The following RNF6 variants were observed in gnomAD, a reference collection of about 807,000 sequenced individuals.
RNF6 encodes the protein ring finger protein 6.
Under a neutral mutation model 50.1 loss-of-function variants are expected in RNF6, and 21 were observed. That is an observed-to-expected ratio of 0.42 (90% CI 0.30 to 0.60). The LOEUF is 0.60. Among genes scored for constraint, RNF6 ranks in the 20% least tolerant of loss-of-function variants. The pLI, the probability that RNF6 is intolerant of heterozygous loss-of-function variation, is 0.20. For missense variants in RNF6, 698 were observed against 838.2 expected (o/e 0.83, Z 2.07); for synonymous variants, 255 against 291.8 (o/e 0.87, Z 1.29).
At chr13:26,170,012 T>C (rs1593163470) in intron 5 of RNF6, among the ~76,000 whole-genome samples, 1 of 152,212 alleles carries the variant, frequency 6.6e-6, no homozygotes, top group South Asian at 2.1e-4. Flanking sequence ...GGATTTTTCT[T>C]TTTTTGCAAA....
At chr13:26,220,675 T>C (rs1019035674) in intron 2 of RNF6, among the ~76,000 whole-genome samples, 4 of 152,142 alleles carry the variant, frequency 2.6e-5, no homozygotes, top group African/African-American at 9.7e-5. Context: ...AAGAGCTAAT[T>C]TGGGTGTTCT....
chr13:26,189,633 G>T (rs1265940478), intron 5 of RNF6, among the ~76,000 whole-genome samples: 9 of 152,212 alleles, frequency 5.9e-5, no homozygotes, highest in African/African-American at 2.2e-4. Context: ...GGTAGAAAGT[G>T]ATTTAGCTTC....
At chr13:26,181,409 G>A (rs1239249752) in intron 5 of RNF6, among the ~76,000 whole-genome samples, 1 of 152,296 alleles carries the variant, frequency 6.6e-6, no homozygotes, top group Non-Finnish European at 1.5e-5. Context: ...GCATTCTCCT[G>A]ACCAAATGCC....
chr13:26,175,145 A>G lies in RNF6; in HGVS notation n.768+40329T>C, dbSNP rs140711591. On this transcript the variant is annotated intron_variant and non_coding_transcript_variant, in intron 5 of 5. Transcript: ENST00000468480. ...ACCCAGGCTGGAGTGCAATGGCGTG[A>G]TCTCGGCTCACTGCAACCTCCACCT... 8.5e-3 allele frequency among the ~76,000 whole-genome samples: 1,290 copies of G among 152,146 alleles called. 7 individuals are homozygous for G. The highest frequency in any genetic ancestry group is 0.027 in the Middle Eastern group (8 of 294).
Position 26,215,285 on chromosome 13 carries a change from G to A in RNF6, c.597C>T (p.Ser199=), listed in dbSNP as rs1869749854. ...TACCATTGAAATTCACTGAGGTTTG[G>A]CTTCTTGTTCGCCTAGCCACAGGAC... ...STSPVARRTR[S]QTSVNFNGSS... is the part of the protein sequence containing the mutation. Residue 199 remains serine, a synonymous_variant, in exon 5 of 5, where the codon AGC becomes AGT. Transcript: ENST00000381588. 6.2e-7 allele frequency: 1 copy of A among 1,614,144 alleles called. No individual in the cohort carries two copies. The highest frequency in any genetic ancestry group is 1.1e-5 in the South Asian group (1 of 91,080).
At chr13:26,186,134 T>C (rs1873509993) in intron 5 of RNF6, among the ~76,000 whole-genome samples, 2 of 152,210 alleles carry the variant, frequency 1.3e-5, no homozygotes, top group African/African-American at 2.4e-5. Context: ...AAGGCGCCCA[T>C]GTCAAAGCTT....
At chr13:26,156,019 A>G (rs1202394483) in intron 5 of RNF6, among the ~76,000 whole-genome samples, 1 of 152,176 alleles carries the variant, frequency 6.6e-6, no homozygotes, top group African/African-American at 2.4e-5. Context: ...AGAAAACACA[A>G]TAACAGAACT....
In RNF6 at chr13:26,214,534, G is replaced by A. The variant is rs1189361962; in HGVS notation, c.1348C>T (p.Arg450Trp). 9 of 1,613,950 alleles carry A rather than the reference G, an allele frequency of 5.6e-6. No homozygotes were observed. Among genetic ancestry groups the A allele is most frequent in the Non-Finnish European group, 7.6e-6 (9 of 1,180,026 alleles). Residue 450 changes from arginine to tryptophan, a missense_variant, in exon 5 of 5, where the codon CGG (arginine) becomes TGG (tryptophan). Physicochemically the swap from Arg to Trp is moderately radical, Grantham distance 101. Transcript: ENST00000381588. ...CTAACATAGGTTCGAATACCTGACC[G>A]CTCTAAACGAGAAATGGTTCGGCGA... is the stretch of plus-strand genomic sequence containing the variant. Reference protein sequence around the residue: ...GFRRTISRLERSGIRTYVSTI... With the variant: ...GFRRTISRLEWSGIRTYVSTI...
downstream of RNF6, among the ~76,000 whole-genome samples, chr13:26,211,714 T>C (rs1265261107): frequency 6.6e-6 from 1 of 151,734 alleles, no homozygotes; most frequent in Non-Finnish European, 1.5e-5. Flanking sequence ...GCCGAGATAG[T>C]GCCACTGCAC....
intron 5 of RNF6, among the ~76,000 whole-genome samples, chr13:26,150,202 C>T (rs1236887561): frequency 3.3e-5 from 5 of 151,752 alleles, no homozygotes; most frequent in Admixed American, 2.0e-4. Context: ...TGAGCAATTC[C>T]GGATTTTGCC....
intron 5 of RNF6, chr13:26,142,471 C>T (rs1462741850): frequency 6.6e-6 from 1 of 152,166 alleles, no homozygotes; most frequent in Non-Finnish European, 1.5e-5. Context: ...TGGAGTCAAC[C>T]TAGGTGTCCA....
intron 5 of RNF6, among the ~76,000 whole-genome samples, chr13:26,190,662 A>G (rs1868419211): frequency 6.6e-6 from 1 of 152,218 alleles, no homozygotes; most frequent in South Asian, 2.1e-4. Flanking sequence ...CAACACATGA[A>G]ATTTTAAAAA....
At chr13:26,150,746 TA>T (rs1470446423) in intron 5 of RNF6, 1 of 152,120 alleles carries the variant, frequency 6.6e-6, no homozygotes, top group Middle Eastern at 3.2e-3. Context: ...AAATCAACAA[TA>T]ATACTTTTAT....
intron 5 of RNF6, among the ~76,000 whole-genome samples, chr13:26,188,778 T>G (rs1201532226): frequency 1.3e-5 from 2 of 151,676 alleles, no homozygotes; most frequent in Admixed American, 1.3e-4. Context: ...TACAGGCACA[T>G]GCCACCATGC....
downstream of RNF6, among the ~76,000 whole-genome samples, chr13:26,212,422 A>G (rs1175155878): frequency 3.3e-5 from 5 of 152,180 alleles, no homozygotes; most frequent in East Asian, 9.6e-4. Flanking sequence ...CATCTAACCT[A>G]ATGAATTGAA....
chr13:26,175,430 T>C (rs1053658285), intron 5 of RNF6, among the ~76,000 whole-genome samples: 2 of 152,066 alleles, frequency 1.3e-5, no homozygotes, highest in Admixed American at 1.3e-4. Context: ...GAAACTTTCC[T>C]CTCCAGCCCC....
At chr13:26,161,703 A>G (rs1872222106) in intron 5 of RNF6, among the ~76,000 whole-genome samples, 1 of 152,110 alleles carries the variant, frequency 6.6e-6, no homozygotes, top group Non-Finnish European at 1.5e-5. Context: ...AACACTTTTT[A>G]TGTTTGAGCA....
At chr13:26,155,995 C>T (rs1455308263) in intron 5 of RNF6, among the ~76,000 whole-genome samples, 2 of 152,114 alleles carry the variant, frequency 1.3e-5, no homozygotes, top group Non-Finnish European at 2.9e-5. Context: ...ATGAAAGCCG[C>T]TTTTAAAAGA....
intron 5 of RNF6, among the ~76,000 whole-genome samples, chr13:26,177,274 A>G (rs1873003006): frequency 6.6e-6 from 1 of 152,190 alleles, no homozygotes; most frequent in Non-Finnish European, 1.5e-5. Flanking sequence ...CAGCGACTCT[A>G]CTTCATTGAC....
Sources: gnomAD v4.1 joint callset for allele counts (sites outside exome capture counted in the v4.1 genomes callset) on GRCh38, gnomAD v4.1.1 for gene constraint, MANE v1.5 for transcripts, NCBI Gene and HGNC (gene_info 2026-07-23, HGNC 2026-07-21) for gene names.